Variants in FOXP2 observed in about 807,000 individuals in gnomAD.
FOXP2 encodes the protein forkhead box protein P2.
In FOXP2, 12 loss-of-function variants were observed where a neutral mutation model predicts 115.8. The ratio of observed to expected loss-of-function variants is 0.10; its 90% CI spans 0.07 to 0.17. FOXP2 has a LOEUF of 0.17. Ranked by LOEUF, FOXP2 falls within the 10% of genes least tolerant of loss-of-function variation. FOXP2 has a pLI of 1.00. For missense variants in FOXP2, 629 were observed against 843.5 expected, an observed-to-expected ratio of 0.75 and a Z score of 3.15; for synonymous variants, 328 against 297.7, an observed-to-expected ratio of 1.10 and a Z score of -1.05.
intron 2 of FOXP2, among the ~76,000 whole-genome samples, chr7:114,311,141 A>G (rs1216652657): frequency 6.6e-6 from 1 of 152,088 alleles, no homozygotes. Context: ...TATTTTAGAG[A>G]GATGGTTAAC....
intron 2 of FOXP2, among the ~76,000 whole-genome samples, chr7:114,525,794 A>G (rs1235291719): frequency 6.6e-6 from 1 of 151,932 alleles, no homozygotes; most frequent in African/African-American, 2.4e-5. Context: ...TATTCTAGGG[A>G]CTTGCTCAAT....
intron 1 of FOXP2, among the ~76,000 whole-genome samples, chr7:114,206,497 G>C (rs1376101658): frequency 1.3e-5 from 2 of 151,990 alleles, no homozygotes; most frequent in Non-Finnish European, 1.5e-5. Context: ...TTATTATTTA[G>C]ATCAAATCCC....
intron 1 of FOXP2, among the ~76,000 whole-genome samples, chr7:114,246,630 A>T (rs1172340899): frequency 1.3e-5 from 2 of 152,132 alleles, no homozygotes; most frequent in Non-Finnish European, 2.9e-5. Context: ...TTTTCAATAA[A>T]TTTTTTTGAG....
At chr7:114,673,762 C>T (rs559797165) in intron 16 of FOXP2, among the ~76,000 whole-genome samples, 12 of 152,162 alleles carry the variant, frequency 7.9e-5, no homozygotes, top group East Asian at 1.9e-4. Flanking sequence ...TGCATTGGCA[C>T]GATGTCAGCT....
At chr7:114,492,602 G>C (rs1004088519) in intron 2 of FOXP2, among the ~76,000 whole-genome samples, 1 of 151,960 alleles carries the variant, frequency 6.6e-6, no homozygotes, top group South Asian at 2.1e-4. Flanking sequence ...AGAGATTCTG[G>C]TATGTTGTGT....
At chr7:114,241,926 T>A (rs767430761) in intron 1 of FOXP2, among the ~76,000 whole-genome samples, 1 of 151,188 alleles carries the variant, frequency 6.6e-6, no homozygotes, top group Non-Finnish European at 1.5e-5. Context: ...TGAAATCTTC[T>A]AGTGGCCTCC....
intron 1 of FOXP2, among the ~76,000 whole-genome samples, chr7:114,254,798 A>C (rs1047416587): frequency 4.9e-4 from 74 of 152,304 alleles, no homozygotes; most frequent in African/African-American, 1.7e-3. Context: ...CAACTCGTCA[A>C]AGTCATTCTC....
chr7:114,617,881 C>T (rs567668079), intron 3 of FOXP2, among the ~76,000 whole-genome samples: 1 of 152,296 alleles, frequency 6.6e-6, no homozygotes, highest in East Asian at 1.9e-4. Context: ...GATCTGGCTC[C>T]TACCTACCTG....
chr7:114,200,896 C>T (rs530801464), intron 1 of FOXP2, among the ~76,000 whole-genome samples: 5 of 152,226 alleles, frequency 3.3e-5, no homozygotes, highest in South Asian at 2.1e-4. Flanking sequence ...GGCTCACGCC[C>T]GTAATCCCAG....
At chr7:114,197,904 A>G (rs935065698) in intron 1 of FOXP2, among the ~76,000 whole-genome samples, 1 of 150,898 alleles carries the variant, frequency 6.6e-6, no homozygotes, top group African/African-American at 2.4e-5. Context: ...TCACTCTGTC[A>G]CCCAGGCTGG....
At chr7:114,664,208 C>T (rs1807038241) in intron 15 of FOXP2, 65 bp from the exon 16 acceptor site, 2 of 1,524,236 alleles carry the variant, frequency 1.3e-6, no homozygotes, top group Non-Finnish European at 1.8e-6. Flanking sequence ...AAAGAAGATA[C>T]ATGTTTTAAA....
Position 114,649,671 on chromosome 7 carries a change from TTTGA to T in FOXP2, c.1095-2528_1095-2525del, listed in dbSNP as rs545789380. Among the ~76,000 whole-genome samples, 28 of 152,240 alleles carry T rather than the reference TTTGA, an allele frequency of 1.8e-4. 2 individuals are homozygous for T. The East Asian group carries it at 3.9e-3, about 21-fold the overall frequency. On this transcript the variant is annotated intron_variant, in intron 8 of 16. Coordinates refer to ENST00000350908, the MANE Select transcript of FOXP2 (RefSeq NM_014491.4). Reference sequence around the variant, plus strand: ...TTTATATCTGACACTATTTCTGTACTTTGATTGGCATAATTAAGTAGAGGGAATG... The same window carrying T: ...TTTATATCTGACACTATTTCTGTACTTTGGCATAATTAAGTAGAGGGAATG...
intron 3 of FOXP2, among the ~76,000 whole-genome samples, chr7:114,563,086 T>C (rs1584899080): frequency 6.6e-6 from 1 of 152,206 alleles, no homozygotes; most frequent in Non-Finnish European, 1.5e-5. Context: ...CCATCAGATC[T>C]CTTGAGACTT....
At chr7:114,666,467 C>T (rs1807168580) in intron 16 of FOXP2, 1 of 151,936 alleles carries the variant, frequency 6.6e-6, no homozygotes, top group Non-Finnish European at 1.5e-5. Context: ...TGTACTTAAA[C>T]CATGTTATGT....
intron 1 of FOXP2, among the ~76,000 whole-genome samples, chr7:114,094,378 C>T (rs771730068): frequency 6.6e-6 from 1 of 152,182 alleles, no homozygotes; most frequent in Non-Finnish European, 1.5e-5. Flanking sequence ...CTCTCACATA[C>T]TTTGTTCATA....
intron 2 of FOXP2, among the ~76,000 whole-genome samples, chr7:114,350,092 G>T (rs1341225781): frequency 1.3e-5 from 2 of 152,074 alleles, no homozygotes; most frequent in Non-Finnish European, 1.5e-5. Flanking sequence ...TATCTTGAAT[G>T]AGTAAAAGAA....
chr7:114,161,053 G>A (rs116081884), upstream of FOXP2, among the ~76,000 whole-genome samples: 428 of 152,246 alleles, frequency 2.8e-3, 2 homozygotes, highest in African/African-American at 9.9e-3. Flanking sequence ...TTCCCTAAAG[G>A]AATGTGCATT....
chr7:114,309,630 A>AT (rs949543988), intron 2 of FOXP2, among the ~76,000 whole-genome samples: 2 of 151,912 alleles, frequency 1.3e-5, no homozygotes, highest in Admixed American at 6.6e-5. Context: ...CAGCAGCTAC[A>AT]TTTTTTTCCC....
chr7:114,345,407 C>T (rs1791322918), intron 2 of FOXP2, among the ~76,000 whole-genome samples: 1 of 151,828 alleles, frequency 6.6e-6, no homozygotes, highest in African/African-American at 2.4e-5. Flanking sequence ...CTATACCCAA[C>T]TTACAATTAT....
Sources: gnomAD v4.1 joint callset for allele counts (sites outside exome capture counted in the v4.1 genomes callset) on GRCh38, gnomAD v4.1.1 for gene constraint, MANE v1.5 for transcripts, NCBI Gene and HGNC (gene_info 2026-07-23, HGNC 2026-07-21) for gene names.